MYH13: variants seen among roughly 807,000 people sequenced by gnomAD.
MYH13 encodes myosin heavy chain 13, also known as myosin-13.
MYH13 carries 177 observed loss-of-function variants against 232.1 expected under a neutral mutation model. That is an observed-to-expected ratio of 0.76 (90% CI 0.67 to 0.86). MYH13 has a LOEUF of 0.86. Ranked by LOEUF, MYH13 falls within the 40% of genes least tolerant of loss-of-function variation. The pLI is 0.00. For synonymous variants in MYH13, 884 were observed against 923.5 expected, an observed-to-expected ratio of 0.96 and a Z score of 0.78; for missense variants, 2,246 against 2,405.9, an observed-to-expected ratio of 0.93 and a Z score of 1.39.
intron 35 of MYH13, 118 bp from the exon 36 acceptor site, chr17:10,307,182 C>T (rs1906324664): frequency 3.9e-6 from 5 of 1,281,514 alleles, no homozygotes; most frequent in Middle Eastern, 2.6e-4. Flanking sequence ...TTATTTTTCA[C>T]ATGGGTGACC....
chr17:10,334,541 C>G (rs1447115895), intron 18 of MYH13, among the ~76,000 whole-genome samples: 1 of 152,050 alleles, frequency 6.6e-6, no homozygotes, highest in Non-Finnish European at 1.5e-5. Flanking sequence ...GGTGGTGATT[C>G]TCTAGAGAAA....
chr17:10,318,142 T>C (rs1906783160), intron 27 of MYH13, among the ~76,000 whole-genome samples: 1 of 152,162 alleles, frequency 6.6e-6, no homozygotes, highest in Non-Finnish European at 1.5e-5. Context: ...CTTGGGAGGC[T>C]GAGGCAGGAG....
In MYH13 at chr17:10,306,949, G is replaced by C; in HGVS notation, c.5285C>G (p.Ala1762Gly). The C allele has an allele frequency of 6.2e-7, 1 of 1,613,632 alleles. No individual in the cohort carries two copies. The highest frequency in any genetic ancestry group is 8.5e-7 in the Non-Finnish European group (1 of 1,179,930). ...AAGAACAGAGCTCACATCCGTGATG[G>C]CCTTCTTGGCCTTCTCCTCTGCGTT... ...SRNAEEKAKK[A>G]ITDAAMMAEE... Residue 1762 changes from alanine (A) to glycine (G), a missense_variant, in exon 36 of 41, where the codon GCC becomes GGC. Ala to Gly is a moderately conservative substitution (Grantham distance 60). Transcript: ENST00000252172. The surrounding 1 kb of genome is among the most constrained non-coding windows in gnomAD (Gnocchi z 4.3).
At chr17:10,323,062 G>A (rs190575319) in intron 23 of MYH13, among the ~76,000 whole-genome samples, 25 of 152,152 alleles carry the variant, frequency 1.6e-4, no homozygotes, top group Admixed American at 3.9e-4. Context: ...TTAGTTCTCC[G>A]TTTTCCCCGT....
intron 13 of MYH13, 111 bp downstream of exon 13, chr17:10,346,569 G>T: frequency 2.9e-6 from 2 of 681,678 alleles, no homozygotes; most frequent in Non-Finnish European, 2.2e-6. Context: ...TCCTCTTAAT[G>T]TGAAAGCTGA....
chr17:10,309,136 G>C, intron 35 of MYH13, 98 bp downstream of exon 35: 2 of 1,266,578 alleles, frequency 1.6e-6, no homozygotes, highest in South Asian at 3.1e-5. Context: ...CCCACGGCGT[G>C]GGCCCTGAGT....
intron 8 of MYH13, among the ~76,000 whole-genome samples, chr17:10,356,665 G>A (rs1394720609): frequency 6.6e-6 from 1 of 152,208 alleles, no homozygotes; most frequent in Non-Finnish European, 1.5e-5. Flanking sequence ...CATGGTCCTT[G>A]ATGGATTACC....
chr17:10,343,712 T>G (rs1236194120), intron 16 of MYH13, 88 bp downstream of exon 16: 1 of 1,373,430 alleles, frequency 7.3e-7, no homozygotes, highest in Non-Finnish European at 9.7e-7. Flanking sequence ...GAAGCTCATG[T>G]CTGATTACTG....
At chr17:10,328,249 G>C in intron 21 of MYH13, 128 bp from the exon 22 acceptor site, 4 of 1,062,062 alleles carry the variant, frequency 3.8e-6, no homozygotes, top group Non-Finnish European at 5.4e-6. Flanking sequence ...AGCCAAGCTT[G>C]GCAGATCCTC....
chr17:10,323,744 C>T (rs1597378084), intron 23 of MYH13, among the ~76,000 whole-genome samples: 1 of 110,484 alleles, frequency 9.1e-6, no homozygotes, highest in East Asian at 3.0e-4. Flanking sequence ...GCCTGGGCAA[C>T]AGAGCAAGAC....
Position 10,354,750 on chromosome 17 carries a change from A to C in MYH13, c.935T>G (p.Phe312Cys). The change falls in exon 11 of 41, where the codon TTC becomes TGC. Residue 312 changes from phenylalanine (F) to cysteine (C), a missense_variant. By Grantham distance (205) the Phe-to-Cys change is radical (BLOSUM62 -2). Coordinates refer to ENST00000252172, the MANE Select transcript of MYH13 (RefSeq NM_003802.3). ...GACCTCTCCTTGGCTCACGAAGGGG[A>C]AGTCGAAGGGGTTGGTGGAGATCAG... ...LLLISTNPFD[F>C]PFVSQGEVTV... is the part of the protein sequence containing the mutation. 5 of 1,613,844 alleles carry C rather than the reference A, an allele frequency of 3.1e-6. No individual in the cohort carries two copies. The highest frequency in any genetic ancestry group is 4.2e-6 in the Non-Finnish European group (5 of 1,179,856).
At chr17:10,329,634 G>T (rs1907342218) in intron 21 of MYH13, among the ~76,000 whole-genome samples, 2 of 152,148 alleles carry the variant, frequency 1.3e-5, no homozygotes, top group Admixed American at 1.3e-4. Context: ...CCACCTGCTT[G>T]TCGGGCTTCC....
Position 10,306,834 on chromosome 17 carries a change from C to T in MYH13, c.5295+105G>A. The stretch of plus-strand genomic sequence containing the variant: ...CATCTGTCTGGGAAGCCACCACTAA[C>T]CGATTGTTGTCATAAGAGATGAAAC... On this transcript the variant is annotated intron_variant, in intron 36 of 40. Coordinates refer to ENST00000252172, the MANE Select transcript of MYH13 (RefSeq NM_003802.3). This position sits in a 1 kb window ranked among gnomAD's most constrained non-coding sequence, Gnocchi z 4.3. The T allele has an allele frequency of 6.3e-7, 1 of 1,576,120 alleles. No homozygotes were observed. The highest frequency in any genetic ancestry group is 8.6e-7 in the Non-Finnish European group (1 of 1,166,736).
intron 11 of MYH13, among the ~76,000 whole-genome samples, chr17:10,352,418 C>T (rs2071717363): frequency 6.6e-6 from 1 of 152,068 alleles, no homozygotes; most frequent in South Asian, 2.1e-4. Flanking sequence ...GGGGAAACCC[C>T]TTCTCTACTA....
Position 10,324,098 on chromosome 17 carries a change from G to C in MYH13, c.2858C>G (p.Ser953Cys). The C allele has an allele frequency of 1.2e-6, 2 of 1,614,000 alleles. No homozygotes were observed. Among genetic ancestry groups the C allele is most frequent in the Non-Finnish European group, 1.7e-6 (2 of 1,179,930 alleles). ...KKRNLEDKCS[S>C]LKRDIDDLEL... ...CAGGTCATCAATGTCTCTCTTGAGA[G>C]AGGAGCATTTATCTTCCAGATTCCT... is the stretch of plus-strand genomic sequence containing the variant. Residue 953 changes from serine to cysteine, a missense_variant, in exon 23 of 41, where the codon TCT becomes TGT. Transcript: ENST00000252172.
chr17:10,309,945 A>AT (rs1297662558), intron 33 of MYH13, 115 bp from the exon 34 acceptor site: 121 of 937,024 alleles, frequency 1.3e-4, no homozygotes, highest in African/African-American at 1.2e-3. Context: ...ATTAAATTTA[A>AT]ATTTTTTTTT....
intron 16 of MYH13, chr17:10,341,489 C>T (rs2071619194): frequency 6.6e-6 from 1 of 152,178 alleles, no homozygotes; most frequent in Non-Finnish European, 1.5e-5. Flanking sequence ...TTCTTTCCTA[C>T]AGGAAACAAC....
intron 29 of MYH13, among the ~76,000 whole-genome samples, chr17:10,313,856 G>A (rs1378013189): frequency 6.6e-6 from 1 of 152,176 alleles, no homozygotes; most frequent in Non-Finnish European, 1.5e-5. Flanking sequence ...ACCAGGAGAA[G>A]CCTGAAAGCA....
intron 23 of MYH13, among the ~76,000 whole-genome samples, chr17:10,322,259 A>C (rs143279370): frequency 4.0e-5 from 6 of 151,878 alleles, no homozygotes; most frequent in Admixed American, 2.6e-4. Flanking sequence ...TTAGCCAGGC[A>C]TGGTGGTGGG....
Sources: allele counts gnomAD v4.1 joint callset (sites outside exome capture counted in the v4.1 genomes callset), GRCh38; gene constraint gnomAD v4.1.1; non-coding constraint Gnocchi (gnomAD v3.1); transcripts MANE v1.5; gene names NCBI Gene and HGNC (gene_info 2026-07-23, HGNC 2026-07-21).